Variants in SPDYE10 observed in about 807,000 individuals in gnomAD.
SPDYE10 encodes speedy/RINGO cell cycle regulator family member E10.
the SPDYE10 span, among the ~76,000 whole-genome samples, chr7:73,122,598 GA>G: frequency 5.3e-5 from 7 of 132,930 alleles, no homozygotes; most frequent in Admixed American, 7.4e-5. Context: ...AAAAGAAAAA[GA>G]AAAAAAAAAG....
the SPDYE10 span, among the ~76,000 whole-genome samples, chr7:73,151,548 A>AAAAG: frequency 4.1e-4 from 2 of 4,890 alleles, no homozygotes; most frequent in East Asian, 2.8e-3. Context: ...AAAAAAAAAA[A>AAAAG]AAAGAAAGAA....
chr7:73,137,685 G>GA, the SPDYE10 span, among the ~76,000 whole-genome samples: 2 of 67,088 alleles, frequency 3.0e-5, no homozygotes, highest in Admixed American at 1.8e-4. Flanking sequence ...GAGGGGAGGG[G>GA]AGGGAGAGGG....
chr7:73,141,273 A>T, the SPDYE10 span, among the ~76,000 whole-genome samples: 165 of 152,078 alleles, frequency 1.1e-3, no homozygotes, highest in East Asian at 0.025. Context: ...CAGTAATCCC[A>T]GCACTTTGGG....
chr7:73,113,911 A>C, the SPDYE10 span, among the ~76,000 whole-genome samples: 1 of 151,964 alleles, frequency 6.6e-6, no homozygotes, highest in Non-Finnish European at 1.5e-5. Flanking sequence ...CTGTATTCCC[A>C]GCTACTCAGG....
At chr7:73,113,584 G>A in the SPDYE10 span, among the ~76,000 whole-genome samples, 1 of 149,588 alleles carries the variant, frequency 6.7e-6, no homozygotes, top group Non-Finnish European at 1.5e-5. Context: ...ATGACATTCA[G>A]AGACCATCCA....
the SPDYE10 span, among the ~76,000 whole-genome samples, chr7:73,132,460 TC>T: frequency 6.6e-6 from 1 of 152,128 alleles, no homozygotes; most frequent in Non-Finnish European, 1.5e-5. Context: ...GGCAGCAGGA[TC>T]CCTTGAATCC....
the SPDYE10 span, among the ~76,000 whole-genome samples, chr7:73,116,901 T>G: frequency 3.3e-5 from 5 of 151,388 alleles, no homozygotes; most frequent in East Asian, 1.9e-4. Flanking sequence ...AGATTTGTTT[T>G]TTTTTTTTTT....
chr7:73,127,418 G>A, the SPDYE10 span, among the ~76,000 whole-genome samples: 2 of 121,890 alleles, frequency 1.6e-5, no homozygotes, highest in East Asian at 4.0e-4. Context: ...AATTAGCCAG[G>A]CATGGTGGTG....
chr7:73,115,219 C>A, the SPDYE10 span, among the ~76,000 whole-genome samples: 1 of 152,150 alleles, frequency 6.6e-6, no homozygotes, highest in African/African-American at 2.4e-5. Context: ...TACGTTTGGT[C>A]ACCTGGTGCC....
chr7:73,135,129 G>C, the SPDYE10 span, among the ~76,000 whole-genome samples: 3 of 152,138 alleles, frequency 2.0e-5, no homozygotes, highest in Non-Finnish European at 4.4e-5. Context: ...CTCAGCCCTG[G>C]GGCAGCCCTG....
chr7:73,107,387 A>G, the SPDYE10 span, among the ~76,000 whole-genome samples: 2 of 8,156 alleles, frequency 2.5e-4, no homozygotes, highest in African/African-American at 5.9e-4. Flanking sequence ...CGGAGGTTGC[A>G]GTGAGCCAAG....
the SPDYE10 span, among the ~76,000 whole-genome samples, chr7:73,124,078 T>C: frequency 6.7e-6 from 1 of 149,840 alleles, no homozygotes; most frequent in African/African-American, 2.5e-5. Flanking sequence ...CCATTGTGCC[T>C]GACTAACACC....
chr7:73,154,294 A>C, the SPDYE10 span, among the ~76,000 whole-genome samples: 1 of 128,586 alleles, frequency 7.8e-6, no homozygotes, highest in Non-Finnish European at 1.6e-5. Flanking sequence ...CCTCCCTCAC[A>C]TTTTCCGCTG....
At chr7:73,128,169 C>T in the SPDYE10 span, among the ~76,000 whole-genome samples, 7 of 152,180 alleles carry the variant, frequency 4.6e-5, no homozygotes, top group East Asian at 3.9e-4. Context: ...TTATAGTCTA[C>T]GTAGTATCAA....
the SPDYE10 span, among the ~76,000 whole-genome samples, chr7:73,141,070 CCACACA>C: frequency 2.1e-3 from 286 of 135,778 alleles, no homozygotes; most frequent in Middle Eastern, 0.011. Flanking sequence ...TCCATTTCTA[CCACACA>C]CACACACACA....
the SPDYE10 span, among the ~76,000 whole-genome samples, chr7:73,123,903 G>A: frequency 6.6e-6 from 1 of 150,830 alleles, no homozygotes. Context: ...GACTACAGGT[G>A]CACACAACCA....
the SPDYE10 span, among the ~76,000 whole-genome samples, chr7:73,137,639 A>G: frequency 2.2e-4 from 25 of 114,270 alleles, no homozygotes; most frequent in South Asian, 6.1e-4. Flanking sequence ...AGAAAGAAAG[A>G]AAGGAGAAAG....
At chr7:73,125,005 C>A in the SPDYE10 span, among the ~76,000 whole-genome samples, 2,728 of 136,440 alleles carry the variant, frequency 0.02, 3 homozygotes, top group African/African-American at 0.057. Flanking sequence ...AAAAAAAAAA[C>A]AGCAGGTGAA....
At chr7:73,104,752 T>C in the SPDYE10 span, 5 of 136,374 alleles carry the variant, frequency 3.7e-5, no homozygotes, top group African/African-American at 1.3e-4. Context: ...GAACTACCAA[T>C]AGCTATAAAT....
Sources: gnomAD v4.1 joint callset for allele counts (sites outside exome capture counted in the v4.1 genomes callset) on GRCh38, gnomAD v4.1.1 for gene constraint, MANE v1.5 for transcripts, NCBI Gene and HGNC (gene_info 2026-07-23, HGNC 2026-07-21) for gene names.